The following CCDC39 variants were observed in gnomAD, a reference collection of about 807,000 sequenced individuals.
The protein encoded by CCDC39 is coiled-coil domain-containing protein 39.
In CCDC39, 113 loss-of-function variants were observed where a neutral mutation model predicts 121.0. That is an observed-to-expected ratio of 0.93 (90% CI 0.80 to 1.09). The LOEUF is 1.09. Ranked by LOEUF, CCDC39 falls within the 50% of genes least tolerant of loss-of-function variation. The pLI is 0.00. For missense variants in CCDC39, 1,063 were observed against 1,074.7 expected (o/e 0.99, Z 0.15); for synonymous variants, 349 against 352.2 (o/e 0.99, Z 0.10).
intron 13 of CCDC39, among the ~76,000 whole-genome samples, chr3:180,638,047 C>G (rs528395588): frequency 6.6e-6 from 1 of 152,056 alleles, no homozygotes; most frequent in Non-Finnish European, 1.5e-5. Context: ...ACCTGTATAA[C>G]AAACCTGCAC....
At position 180,619,811 on chromosome 3, in the gene CCDC39, T is replaced by C. The variant is rs541780919; in HGVS notation, c.2158A>G (p.Ser720Gly). ...TAAAAAAAAGTTAACTCCTACATAC[T>C]AGATGGAGTCACTTTTTTAAAAGAT... ...KQSFKKVTPS[S>G]DEYELKIQLE... Residue 720 changes from serine to glycine, a missense_variant and splice_region_variant, in exon 15 of 20, where the codon AGT (serine) becomes GGT (glycine). Coordinates refer to ENST00000476379, the MANE Select transcript of CCDC39 (RefSeq NM_181426.2). The C allele has an allele frequency of 4.4e-6, 7 of 1,581,530 alleles. No homozygotes were observed. In the East Asian group the frequency reaches 1.4e-4, roughly 31 times the overall value.
At chr3:180,656,161 A>G (rs1711571290) in intron 6 of CCDC39, among the ~76,000 whole-genome samples, 1 of 152,194 alleles carries the variant, frequency 6.6e-6, no homozygotes, top group Admixed American at 6.5e-5. Flanking sequence ...CACTCAAAAG[A>G]CACGTCAAAA....
intron 1 of CCDC39, among the ~76,000 whole-genome samples, chr3:180,666,340 A>G (rs1396718690): frequency 6.6e-6 from 1 of 152,122 alleles, no homozygotes; most frequent in Admixed American, 6.5e-5. Context: ...TAAATGTTTT[A>G]TGGGTATGTT....
chr3:180,616,801 G>A (rs377105546), intron 17 of CCDC39, 25 bp downstream of exon 17: 258 of 1,601,608 alleles, frequency 1.6e-4, no homozygotes, highest in Non-Finnish European at 2.1e-4. Flanking sequence ...AATATGAAAG[G>A]TCAGTTTTTA....
intron 6 of CCDC39, among the ~76,000 whole-genome samples, chr3:180,657,035 A>G (rs1461491474): frequency 6.6e-6 from 1 of 152,112 alleles, no homozygotes; most frequent in Non-Finnish European, 1.5e-5. Context: ...AGCTGCTTTC[A>G]CTTTTACTCT....
chr3:180,679,345 C>T lies in CCDC39; in HGVS notation c.36G>A (p.Glu12=). Residue 12 remains glutamate, a synonymous_variant, in exon 1 of 20, where the codon GAG becomes GAA. Transcript: ENST00000476379. This position sits in a 1 kb window ranked among gnomAD's most constrained non-coding sequence, Gnocchi z 4.0. The part of the protein sequence containing the change: ...SSEFLAELHW[E]DGFAIPVANE... ...TCGCCACCGGGATGGCGAACCCATC[C>T]TCCCAGTGCAGCTCAGCCAGGAATT... 6.2e-7 allele frequency: 1 copy of T among 1,613,982 alleles called. No individual in the cohort carries two copies. The highest frequency in any genetic ancestry group is 8.5e-7 in the Non-Finnish European group (1 of 1,179,886).
At chr3:180,662,569 A>G (rs1308347692) in intron 2 of CCDC39, among the ~76,000 whole-genome samples, 1 of 152,126 alleles carries the variant, frequency 6.6e-6, no homozygotes, top group African/African-American at 2.4e-5. Context: ...TACTAAAGCT[A>G]CCATTGTTGG....
chr3:180,652,552 C>T (rs1001211421), intron 7 of CCDC39, among the ~76,000 whole-genome samples: 1 of 152,102 alleles, frequency 6.6e-6, no homozygotes, highest in African/African-American at 2.4e-5. Context: ...AAGAGCACAT[C>T]CCCAAAGTCC....
At chr3:180,620,023 A>G in intron 14 of CCDC39, 53 bp from the exon 15 acceptor site, 1 of 1,391,234 alleles carries the variant, frequency 7.2e-7, no homozygotes, top group Non-Finnish European at 9.7e-7. Context: ...TATGGGAAGA[A>G]ATGCCTAATG....
chr3:180,669,792 G>A (rs1711982550), intron 1 of CCDC39, among the ~76,000 whole-genome samples: 1 of 152,120 alleles, frequency 6.6e-6, no homozygotes, highest in African/African-American at 2.4e-5. Flanking sequence ...TGCTTTTTTA[G>A]TGATGATTAT....
intron 7 of CCDC39, among the ~76,000 whole-genome samples, chr3:180,653,232 C>T (rs1319545940): frequency 6.6e-6 from 1 of 152,166 alleles, no homozygotes; most frequent in Non-Finnish European, 1.5e-5. Context: ...AGAACCACAG[C>T]CTTGCATAAA....
chr3:180,665,908 C>A (rs1267685670), intron 1 of CCDC39, among the ~76,000 whole-genome samples: 1 of 151,852 alleles, frequency 6.6e-6, no homozygotes, highest in East Asian at 1.9e-4. Flanking sequence ...AATAATGTGA[C>A]CTACAAAATG....
intron 14 of CCDC39, among the ~76,000 whole-genome samples, chr3:180,623,602 T>G (rs1283178998): frequency 6.6e-6 from 1 of 151,986 alleles, no homozygotes; most frequent in Non-Finnish European, 1.5e-5. Context: ...GCTATAAACA[T>G]CCCCCTTAGC....
chr3:180,679,418 C>T lies in CCDC39; in HGVS notation c.-38G>A, dbSNP rs1357214788. ...ATAGAGAAGATACAGAGCAAAGATC[C>T]GCCTTCTTGTACAGCGGGTGAGCAG... On this transcript the variant is annotated 5_prime_UTR_variant, in exon 1 of 20. Transcript: ENST00000476379. This position sits in a 1 kb window ranked among gnomAD's most constrained non-coding sequence, Gnocchi z 4.0. The T allele has an allele frequency of 6.3e-7, 1 of 1,584,832 alleles. No homozygotes were observed. Among genetic ancestry groups the T allele is most frequent in the Non-Finnish European group, 8.7e-7 (1 of 1,153,408 alleles).
chr3:180,651,358 T>C, intron 9 of CCDC39, 43 bp downstream of exon 9: 2 of 1,503,074 alleles, frequency 1.3e-6, no homozygotes, highest in Non-Finnish European at 1.8e-6. Context: ...TCACTGTTGC[T>C]AAATTTTCTG....
intron 8 of CCDC39, 131 bp from the exon 9 acceptor site, chr3:180,651,664 C>A: frequency 1.3e-6 from 1 of 759,026 alleles, no homozygotes; most frequent in Non-Finnish European, 2.0e-6. Context: ...TTTATTACCA[C>A]TACATATTTA....
At chr3:180,647,717 G>A (rs1040266759) in intron 10 of CCDC39, among the ~76,000 whole-genome samples, 4 of 152,152 alleles carry the variant, frequency 2.6e-5, no homozygotes, top group African/African-American at 9.6e-5. Context: ...AAATTAAGAT[G>A]TAGAGATGGA....
Position 180,614,799 on chromosome 3 carries a change from G to T in CCDC39, c.*122C>A. ...CGTTCCTTTTTTTTTAAAACTATCA[G>T]TTTTTACACTTACCACTAAGTTTTT... On this transcript the variant is annotated 3_prime_UTR_variant, in exon 20 of 20. Coordinates refer to ENST00000476379, the MANE Select transcript of CCDC39 (RefSeq NM_181426.2). 1 of 840,162 alleles carries T rather than the reference G, an allele frequency of 1.2e-6. No individual in the cohort carries two copies. The highest frequency in any genetic ancestry group is 1.8e-6 in the Non-Finnish European group (1 of 565,186). The allele number at this position is 840,162 out of a possible 1,614,324, so 52.0% of individuals were successfully genotyped here.
chr3:180,652,669 T>C (rs1711507704), intron 7 of CCDC39, among the ~76,000 whole-genome samples: 1 of 152,162 alleles, frequency 6.6e-6, no homozygotes, highest in African/African-American at 2.4e-5. Flanking sequence ...ATTTTACTGT[T>C]AATCAATAGT....
Sources: allele counts gnomAD v4.1 joint callset (sites outside exome capture counted in the v4.1 genomes callset), GRCh38; gene constraint gnomAD v4.1.1; non-coding constraint Gnocchi (gnomAD v3.1); transcripts MANE v1.5; gene names NCBI Gene and HGNC (gene_info 2026-07-23, HGNC 2026-07-21).